The following GALNT13 variants were observed in gnomAD, a reference collection of about 807,000 sequenced individuals.
GALNT13 encodes UDP-GalNAc:polypeptide N-acetylgalactosaminyltransferase 13.
GALNT13 carries 28 observed loss-of-function variants against 64.2 expected under a neutral mutation model. The ratio of observed to expected loss-of-function variants is 0.44; its 90% CI spans 0.32 to 0.60. The LOEUF (loss-of-function observed/expected upper bound fraction) is 0.60, where lower values mean the gene tolerates loss of function less well. GALNT13 is among the 20% of genes least tolerant of loss of function. The probability of loss-of-function intolerance (pLI) is 0.05; values close to 1 mark genes in which losing one functional copy is unlikely to be tolerated. For synonymous variants in GALNT13, 214 were observed against 224.6 expected (o/e 0.95, Z 0.42); for missense variants, 577 against 669.8 (o/e 0.86, Z 1.53).
the GALNT13 span, among the ~76,000 whole-genome samples, chr2:153,605,123 A>G: frequency 3.4e-3 from 521 of 152,222 alleles, 1 homozygote; most frequent in Admixed American, 6.6e-3. Context: ...AGCACAGGAA[A>G]TGAAAAGCCT....
At chr2:153,995,501 T>C (rs1695462013) in intron 3 of GALNT13, among the ~76,000 whole-genome samples, 1 of 152,178 alleles carries the variant, frequency 6.6e-6, no homozygotes, top group South Asian at 2.1e-4. Flanking sequence ...ATAACTATCA[T>C]TTAAATTTTC....
At chr2:154,015,149 T>A (rs1374054414) in intron 3 of GALNT13, among the ~76,000 whole-genome samples, 1 of 152,148 alleles carries the variant, frequency 6.6e-6, no homozygotes, top group East Asian at 1.9e-4. Flanking sequence ...AAATAAAAGA[T>A]ATGGTACTTC....
the GALNT13 span, among the ~76,000 whole-genome samples, chr2:153,521,797 G>C: frequency 6.6e-6 from 1 of 152,000 alleles, no homozygotes; most frequent in East Asian, 1.9e-4. Context: ...ATAGTATGTA[G>C]CCTTTTCAAA....
chr2:153,952,894 G>A (rs533329668), intron 3 of GALNT13, among the ~76,000 whole-genome samples: 2 of 152,240 alleles, frequency 1.3e-5, no homozygotes, highest in Admixed American at 6.5e-5. Context: ...TTCAATGTTC[G>A]AGGGCAGGGA....
chr2:154,245,780 G>A, intron 6 of GALNT13, 32 bp from the exon 7 acceptor site: 1 of 1,396,120 alleles, frequency 7.2e-7, no homozygotes. Context: ...TAATTATCAT[G>A]TGTCTATAAA....
At chr2:154,382,722 G>C (rs903164045) in intron 9 of GALNT13, among the ~76,000 whole-genome samples, 3 of 151,804 alleles carry the variant, frequency 2.0e-5, no homozygotes, top group Non-Finnish European at 4.4e-5. Context: ...TTGGTTGACA[G>C]TTGAGGCCAT....
At chr2:154,281,007 T>C (rs1691934179) in intron 8 of GALNT13, among the ~76,000 whole-genome samples, 1 of 152,234 alleles carries the variant, frequency 6.6e-6, no homozygotes, top group Admixed American at 6.5e-5. Flanking sequence ...ATTCTACTTT[T>C]GTCTTAATAA....
intron 3 of GALNT13, among the ~76,000 whole-genome samples, chr2:154,137,783 G>A (rs1214978430): frequency 1.3e-5 from 2 of 152,014 alleles, no homozygotes; most frequent in Admixed American, 1.3e-4. Context: ...TTTCTCTGCA[G>A]CATGTCTTTT....
At chr2:153,701,873 C>T in the GALNT13 span, among the ~76,000 whole-genome samples, 2 of 152,096 alleles carry the variant, frequency 1.3e-5, no homozygotes, top group South Asian at 4.1e-4. Context: ...TGCTTTTACA[C>T]TGTTGGTAGG....
the GALNT13 span, among the ~76,000 whole-genome samples, chr2:153,316,797 A>C: frequency 2.0e-5 from 3 of 152,116 alleles, no homozygotes; most frequent in Non-Finnish European, 4.4e-5. Flanking sequence ...TTAATAATAC[A>C]AAAGGGGCCC....
chr2:153,897,938 A>T (rs943730508), intron 1 of GALNT13, among the ~76,000 whole-genome samples: 3 of 140,942 alleles, frequency 2.1e-5, no homozygotes, highest in Admixed American at 2.1e-4. Context: ...CCAGAAAAAA[A>T]TGCCACCTCA....
the GALNT13 span, among the ~76,000 whole-genome samples, chr2:153,526,668 A>G: frequency 6.6e-6 from 1 of 152,204 alleles, no homozygotes; most frequent in African/African-American, 2.4e-5. Flanking sequence ...AGTATTGACC[A>G]TCCAGAAAAA....
chr2:154,173,133 T>C (rs930231526), intron 4 of GALNT13, among the ~76,000 whole-genome samples: 1 of 151,864 alleles, frequency 6.6e-6, no homozygotes, highest in Non-Finnish European at 1.5e-5. Flanking sequence ...AACAGACATA[T>C]GGACAAATTG....
the GALNT13 span, among the ~76,000 whole-genome samples, chr2:153,189,289 A>AT: frequency 5.3e-5 from 8 of 152,086 alleles, 1 homozygote; most frequent in Middle Eastern, 3.4e-3. Context: ...TGAGATCAGC[A>AT]TTTTTTTAGC....
At chr2:153,926,764 C>T (rs1690166256) in intron 2 of GALNT13, among the ~76,000 whole-genome samples, 1 of 152,050 alleles carries the variant, frequency 6.6e-6, no homozygotes, top group Non-Finnish European at 1.5e-5. Context: ...TACACATCGG[C>T]ACAAATATCA....
chr2:154,101,707 G>C (rs1244717950), intron 3 of GALNT13, among the ~76,000 whole-genome samples: 1 of 151,748 alleles, frequency 6.6e-6, no homozygotes, highest in African/African-American at 2.4e-5. Context: ...GTTTTGGTTT[G>C]TTCTTGTTTT....
the GALNT13 span, among the ~76,000 whole-genome samples, chr2:153,596,281 C>A: frequency 2.0e-5 from 3 of 152,168 alleles, no homozygotes; most frequent in Admixed American, 1.3e-4. Flanking sequence ...TTGTTACATT[C>A]TTTTGATGAA....
At chr2:154,266,292 A>G (rs1258202780) in intron 8 of GALNT13, among the ~76,000 whole-genome samples, 1 of 152,196 alleles carries the variant, frequency 6.6e-6, no homozygotes, top group Non-Finnish European at 1.5e-5. Flanking sequence ...GGTCGGAAGA[A>G]TAAATTAAGC....
intron 4 of GALNT13, among the ~76,000 whole-genome samples, chr2:154,182,291 A>G (rs902397004): frequency 6.6e-5 from 10 of 152,208 alleles, no homozygotes; most frequent in Admixed American, 6.5e-5. Context: ...CATTTCTTCA[A>G]TGCATTTCCA....
Sources: gnomAD v4.1 joint callset for allele counts (sites outside exome capture counted in the v4.1 genomes callset) on GRCh38, gnomAD v4.1.1 for gene constraint, MANE v1.5 for transcripts, NCBI Gene and HGNC (gene_info 2026-07-23, HGNC 2026-07-21) for gene names.